Variants in SCN2A observed in about 807,000 individuals in gnomAD.
SCN2A encodes the protein sodium channel protein type 2 subunit alpha.
A neutral mutation model predicts 188.7 loss-of-function variants in SCN2A; 20 were observed. That is an observed-to-expected ratio of 0.11 (90% CI 0.07 to 0.15). The LOEUF (loss-of-function observed/expected upper bound fraction) is 0.15, where lower values mean the gene tolerates loss of function less well. Ranked by LOEUF, SCN2A falls within the 10% of genes least tolerant of loss-of-function variation. The pLI is 1.00. For synonymous variants in SCN2A, 804 were observed against 833.1 expected, an observed-to-expected ratio of 0.97 and a Z score of 0.60; for missense variants, 1,278 against 2,445.0, an observed-to-expected ratio of 0.52 and a Z score of 10.07.
chr2:165,380,455 G>A (rs1314696966), intron 23 of SCN2A, 137 bp from the exon 24 acceptor site: 3 of 637,082 alleles, frequency 4.7e-6, no homozygotes, highest in South Asian at 2.0e-5. Flanking sequence ...AGATTTGAAG[G>A]TTCATAAAAT....
chr2:165,337,890 G>C (rs866879409), intron 14 of SCN2A, among the ~76,000 whole-genome samples: 1 of 152,108 alleles, frequency 6.6e-6, no homozygotes, highest in Non-Finnish European at 1.5e-5. Context: ...GGGTAAATAC[G>C]AAAGACTATC....
chr2:165,371,102 T>G (rs771624512), intron 20 of SCN2A: 2 of 152,314 alleles, frequency 1.3e-5, no homozygotes, highest in Non-Finnish European at 2.9e-5. Context: ...ATTTTCTGTA[T>G]GTACTTATCA....
rs1211727198 is a variant in SCN2A, at chr2:165,297,037, A to T, written c.288A>T (p.Lys96Asn). The T allele has an allele frequency of 6.2e-7, 1 of 1,606,000 alleles. No homozygotes were observed. Residue 96 changes from lysine (K) to asparagine (N), a missense_variant, in exon 3 of 27, where the codon AAA (lysine) becomes AAT (asparagine). By Grantham distance (94) the Lys-to-Asn change is moderately conservative. Coordinates refer to ENST00000375437, the MANE Select transcript of SCN2A (RefSeq NM_001040142.2). ...TTCAGACGTTTATAGTATTGAATAAAGGGAAAGCAATCTCTCGATTCAGTG... is the reference window on the plus strand; with the variant it reads ...TTCAGACGTTTATAGTATTGAATAATGGGAAAGCAATCTCTCGATTCAGTG... Reference protein sequence around the residue: ...INKKTFIVLNKGKAISRFSAT... With the variant: ...INKKTFIVLNNGKAISRFSAT...
At chr2:165,348,510 A>G (rs1458252658) in intron 16 of SCN2A, among the ~76,000 whole-genome samples, 1 of 152,206 alleles carries the variant, frequency 6.6e-6, no homozygotes, top group Non-Finnish European at 1.5e-5. Flanking sequence ...CCTCTTCAAC[A>G]TTACTTTTGA....
At chr2:165,377,113 T>C (rs1382597469) in intron 22 of SCN2A, among the ~76,000 whole-genome samples, 4 of 152,026 alleles carry the variant, frequency 2.6e-5, no homozygotes, top group African/African-American at 9.7e-5. Context: ...CAAAATAGTA[T>C]GATCAACAAT....
At chr2:165,316,761 T>C (rs2105262447) in intron 11 of SCN2A, among the ~76,000 whole-genome samples, 1 of 152,316 alleles carries the variant, frequency 6.6e-6, no homozygotes, top group Non-Finnish European at 1.5e-5. Context: ...CTTTCTACAT[T>C]CTCATAATTA....
rs748611550 is a variant in SCN2A, at chr2:165,323,506, G to A, written c.2016+6G>A. ...CTGGGCAGCTCCTACCAGAGGTGAGGCCAATTAAAATTGCAGCTGATGTGA... is the reference window on the plus strand; with the variant it reads ...CTGGGCAGCTCCTACCAGAGGTGAGACCAATTAAAATTGCAGCTGATGTGA... On this transcript the variant is annotated splice_donor_region_variant and intron_variant, in intron 12 of 26. Transcript: ENST00000375437. 3 of 1,607,298 alleles carry A rather than the reference G, an allele frequency of 1.9e-6. No individual in the cohort carries two copies. Among genetic ancestry groups the A allele is most frequent in the Admixed American group, 1.7e-5 (1 of 59,170 alleles).
chr2:165,242,117 C>T (rs1693650259), intron 1 of SCN2A, among the ~76,000 whole-genome samples: 1 of 152,038 alleles, frequency 6.6e-6, no homozygotes, highest in African/African-American at 2.4e-5. Flanking sequence ...GACATACTGA[C>T]ACATACTCAT....
intron 1 of SCN2A, among the ~76,000 whole-genome samples, chr2:165,284,059 TTCTC>T (rs559782741): frequency 2.0e-5 from 3 of 150,768 alleles, no homozygotes; most frequent in Non-Finnish European, 3.0e-5. Context: ...CTCTCTCTCT[TTCTC>T]TCTCTCTCTC....
At position 165,367,304 on chromosome 2, in the gene SCN2A, A is replaced by G. The variant is rs754640851; in HGVS notation, c.3608A>G (p.Lys1203Arg). ...LWWNLRKTCY[K>R]IVEHNWFETF... is the part of the protein sequence containing the mutation. ...TGGAATTTGAGGAAAACATGCTATA[A>G]GATAGTGGAGCACAATTGGTTCGAA... Residue 1203 changes from lysine (K) to arginine (R), a missense_variant, in exon 19 of 27, where the codon AAG becomes AGG. This residue lies in a region of SCN2A where 228 missense variants were observed against 297.3 expected (regional missense o/e 0.77). Coordinates refer to ENST00000375437, the MANE Select transcript of SCN2A (RefSeq NM_001040142.2). 6 of 1,614,074 alleles carry G rather than the reference A, an allele frequency of 3.7e-6. No homozygotes were observed. Among genetic ancestry groups the G allele is most frequent in the Admixed American group, 1.7e-5 (1 of 60,012 alleles).
chr2:165,380,916 G>A, intron 24 of SCN2A, 177 bp from the exon 25 acceptor site: 1 of 694,258 alleles, frequency 1.4e-6, no homozygotes. Context: ...GATATTTTTA[G>A]TCTAGAAATA....
intron 3 of SCN2A, among the ~76,000 whole-genome samples, chr2:165,300,545 C>T (rs775159180): frequency 2.0e-5 from 3 of 152,114 alleles, no homozygotes; most frequent in Admixed American, 6.5e-5. Context: ...AGCAGAGATC[C>T]GAAGGAAGCA....
At chr2:165,364,000 G>T (rs1429715821) in intron 17 of SCN2A, among the ~76,000 whole-genome samples, 2 of 151,450 alleles carry the variant, frequency 1.3e-5, no homozygotes, top group Admixed American at 6.6e-5. Flanking sequence ...ATAAAATAAA[G>T]AAACCATCTT....
At chr2:165,274,838 C>T (rs1016841832) in intron 1 of SCN2A, among the ~76,000 whole-genome samples, 5 of 152,166 alleles carry the variant, frequency 3.3e-5, no homozygotes, top group Non-Finnish European at 5.9e-5. Context: ...TGGATTTTTC[C>T]GGGCAGCCCG....
intron 14 of SCN2A, among the ~76,000 whole-genome samples, chr2:165,340,587 A>T (rs1699258306): frequency 2.6e-5 from 4 of 152,216 alleles, no homozygotes; most frequent in Admixed American, 6.5e-5. Flanking sequence ...TCTAGAGACT[A>T]GGAGGTATGC....
intron 17 of SCN2A, among the ~76,000 whole-genome samples, chr2:165,361,143 T>C (rs1700440291): frequency 6.6e-6 from 1 of 151,998 alleles, no homozygotes; most frequent in Non-Finnish European, 1.5e-5. Context: ...AAGAAAGTCA[T>C]TTAATTGATG....
chr2:165,342,162 T>C (rs1290325639), intron 14 of SCN2A, 134 bp from the exon 15 acceptor site: 1 of 714,508 alleles, frequency 1.4e-6, no homozygotes, highest in Non-Finnish European at 2.4e-6. Flanking sequence ...TTGTAGATAC[T>C]AAGTTGTTGG....
chr2:165,280,769 C>T lies in SCN2A; in HGVS notation c.-51-15004C>T, dbSNP rs547651045. Among the ~76,000 whole-genome samples, 6 of 152,286 alleles carry T rather than the reference C, an allele frequency of 3.9e-5. No individual in the cohort carries two copies. The South Asian group carries it at 8.3e-4, about 21-fold the overall frequency. ...CCCCATCCAGACCTGCAGCTTTACC[C>T]ACTCCTTTCCTGATTGATCCTAGGA... On this transcript the variant is annotated intron_variant, in intron 1 of 26. Coordinates refer to ENST00000375437, the MANE Select transcript of SCN2A (RefSeq NM_001040142.2).
chr2:165,362,468 T>G (rs114109849), intron 17 of SCN2A, among the ~76,000 whole-genome samples: 1 of 152,214 alleles, frequency 6.6e-6, no homozygotes, highest in African/African-American at 2.4e-5. Flanking sequence ...CAAACTCTGT[T>G]TGATATTCTC....
Sources: gnomAD v4.1 joint callset for allele counts (sites outside exome capture counted in the v4.1 genomes callset) on GRCh38, gnomAD v4.1.1 for gene constraint, gnomAD v4.1.1 regional missense constraint, MANE v1.5 for transcripts, NCBI Gene and HGNC (gene_info 2026-07-23, HGNC 2026-07-21) for gene names.